Variants in ZMYND11 observed in about 807,000 individuals in gnomAD.
ZMYND11 encodes the protein zinc finger MYND domain-containing protein 11.
In ZMYND11, 9 loss-of-function variants were observed where a neutral mutation model predicts 84.9. The ratio of observed to expected loss-of-function variants is 0.11; its 90% CI spans 0.06 to 0.18. The LOEUF (loss-of-function observed/expected upper bound fraction) is 0.18, where lower values mean the gene tolerates loss of function less well. Among genes scored for constraint, ZMYND11 ranks in the 10% least tolerant of loss-of-function variants. The pLI is 1.00. For missense variants in ZMYND11, 409 were observed against 761.0 expected (o/e 0.54, Z 5.44); for synonymous variants, 250 against 244.1 (o/e 1.02, Z -0.23).
intron 1 of ZMYND11, among the ~76,000 whole-genome samples, chr10:159,562 A>G (rs1554760918): frequency 6.6e-6 from 1 of 151,966 alleles, no homozygotes; most frequent in African/African-American, 2.4e-5. Context: ...GCTTGTCCAT[A>G]TCGTTTGCTC....
chr10:145,824 C>A (rs1316144067), intron 1 of ZMYND11, among the ~76,000 whole-genome samples: 2 of 151,938 alleles, frequency 1.3e-5, no homozygotes, highest in Admixed American at 1.3e-4. Context: ...ATATTTTCTC[C>A]CATTTTGTGG....
intron 2 of ZMYND11, chr10:198,002 A>T (rs1416364809): frequency 3.2e-6 from 2 of 620,412 alleles, no homozygotes; most frequent in Non-Finnish European, 5.8e-6. Flanking sequence ...ATTGTTATAA[A>T]CTGGTAAGTA....
intron 2 of ZMYND11, among the ~76,000 whole-genome samples, chr10:207,174 T>A (rs1944346360): frequency 6.6e-6 from 1 of 152,220 alleles, no homozygotes; most frequent in Non-Finnish European, 1.5e-5. Flanking sequence ...GTACTCATCA[T>A]TTTTTATGGC....
intron 1 of ZMYND11, among the ~76,000 whole-genome samples, chr10:170,007 A>G (rs1844917251): frequency 6.6e-6 from 1 of 152,142 alleles, no homozygotes. Context: ...TTCAAATGTC[A>G]GAAAAGTAAA....
intron 4 of ZMYND11, among the ~76,000 whole-genome samples, chr10:223,948 GT>G (rs532353163): frequency 6.0e-5 from 9 of 149,894 alleles, no homozygotes; most frequent in Non-Finnish European, 1.2e-4. Context: ...TTTCTACTCT[GT>G]TTTTTTTTCA....
chr10:139,628 T>C (rs1396562980), intron 1 of ZMYND11, among the ~76,000 whole-genome samples: 1 of 152,066 alleles, frequency 6.6e-6, no homozygotes, highest in Non-Finnish European at 1.5e-5. Flanking sequence ...TATCATGTAT[T>C]GTCTGTCTAC....
intron 1 of ZMYND11, among the ~76,000 whole-genome samples, chr10:178,585 T>C (rs1481589029): frequency 1.3e-5 from 2 of 152,218 alleles, no homozygotes; most frequent in Non-Finnish European, 2.9e-5. Context: ...TCCTAAGTTA[T>C]AATTTTTATA....
chr10:247,342 G>T, intron 11 of ZMYND11, 56 bp from the exon 12 acceptor site: 1 of 1,588,504 alleles, frequency 6.3e-7, no homozygotes, highest in South Asian at 1.1e-5. Flanking sequence ...AGTGTTTTCA[G>T]CAGAGAAGTA....
At chr10:133,651 A>G (rs1233385354), upstream of ZMYND11, among the ~76,000 whole-genome samples, 1 of 152,222 alleles carries the variant, frequency 6.6e-6, no homozygotes, top group Non-Finnish European at 1.5e-5. Context: ...TCTATTTTAC[A>G]GATGAAGTAA....
chr10:219,257 T>C (rs572355822), intron 3 of ZMYND11, among the ~76,000 whole-genome samples: 13 of 152,286 alleles, frequency 8.5e-5, no homozygotes, highest in Admixed American at 6.5e-4. Flanking sequence ...TGCACAGGAA[T>C]TATACTCTTG....
At chr10:166,130 T>TAAAAGCCAGAACCCTAAAACTTGTA in intron 1 of ZMYND11, among the ~76,000 whole-genome samples, 1 of 152,230 alleles carries the variant, frequency 6.6e-6, no homozygotes, top group Middle Eastern at 3.4e-3. Flanking sequence ...AACCTAAATA[T>TAAAAGCCAGAACCCTAAAACTTGTA]AAAAGCCAGA....
At chr10:217,837 A>G (rs896809978) in intron 3 of ZMYND11, among the ~76,000 whole-genome samples, 1 of 152,214 alleles carries the variant, frequency 6.6e-6, no homozygotes, top group Non-Finnish European at 1.5e-5. Flanking sequence ...CTGAGATTAT[A>G]CAGCTGCGAA....
At chr10:131,223 G>C (rs1835306186), upstream of ZMYND11, among the ~76,000 whole-genome samples, 1 of 152,208 alleles carries the variant, frequency 6.6e-6, no homozygotes, top group African/African-American at 2.4e-5. Flanking sequence ...CTTGTGTGAT[G>C]AGTTGCCCTT....
At chr10:230,197 G>T (rs998788256) in intron 4 of ZMYND11, among the ~76,000 whole-genome samples, 2 of 151,994 alleles carry the variant, frequency 1.3e-5, no homozygotes, top group Admixed American at 1.3e-4. Flanking sequence ...GTCTCCTACC[G>T]AGCGCGGTAG....
At chr10:226,351 T>TA (rs1948131281) in intron 4 of ZMYND11, among the ~76,000 whole-genome samples, 1 of 152,138 alleles carries the variant, frequency 6.6e-6, no homozygotes, top group South Asian at 2.1e-4. Flanking sequence ...AATAGCTTTT[T>TA]AAAAAACTCT....
At chr10:224,922 T>C (rs1947833512) in intron 4 of ZMYND11, among the ~76,000 whole-genome samples, 1 of 152,218 alleles carries the variant, frequency 6.6e-6, no homozygotes, top group African/African-American at 2.4e-5. Context: ...TTCTCATTAT[T>C]ATTTATTTCT....
chr10:161,177 A>G (rs1201575398), intron 1 of ZMYND11, among the ~76,000 whole-genome samples: 1 of 152,142 alleles, frequency 6.6e-6, no homozygotes, highest in Non-Finnish European at 1.5e-5. Context: ...TGTTAGCCAC[A>G]TGAAAATAAC....
Position 252,236 on chromosome 10 carries a change from G to GA in ZMYND11, c.1687-112_1687-111insA. 7.6e-7 allele frequency: 1 copy of GA among 1,322,578 alleles called. No homozygotes were observed. The highest frequency in any genetic ancestry group is 1.0e-6 in the Non-Finnish European group (1 of 961,412). The allele number at this position is 1,322,578 out of a possible 1,614,324, so 81.9% of individuals were successfully genotyped here. On this transcript the variant is annotated intron_variant, in intron 14 of 14. Transcript: ENST00000381604. This position sits in a 1 kb window ranked among gnomAD's most constrained non-coding sequence, Gnocchi z 4.6. ...TAAAACGTATTCAGATTCCACAAAA[G>GA]GTTGAGCCAGAAAGATCTTTTAAAA...
At chr10:198,441 G>C (rs974311910) in intron 2 of ZMYND11, among the ~76,000 whole-genome samples, 1 of 151,998 alleles carries the variant, frequency 6.6e-6, no homozygotes, top group Non-Finnish European at 1.5e-5. Context: ...GAAAGGAAGG[G>C]ATTTTTTGGT....
Sources: gnomAD v4.1 joint callset for allele counts (sites outside exome capture counted in the v4.1 genomes callset) on GRCh38, gnomAD v4.1.1 for gene constraint, Gnocchi (gnomAD v3.1) non-coding constraint, MANE v1.5 for transcripts, NCBI Gene and HGNC (gene_info 2026-07-23, HGNC 2026-07-21) for gene names.